The following LYN variants were observed in gnomAD, a reference collection of about 807,000 sequenced individuals.
LYN encodes the protein tyrosine-protein kinase Lyn.
LYN carries 12 observed loss-of-function variants against 65.0 expected under a neutral mutation model. That is an observed-to-expected ratio of 0.18 (90% confidence interval 0.12 to 0.30). The LOEUF is 0.30. Among genes scored for constraint, LYN ranks in the 10% least tolerant of loss-of-function variants. LYN has a pLI of 1.00. For synonymous variants in LYN, 222 were observed against 221.2 expected (o/e 1.00, Z -0.03); for missense variants, 380 against 623.2 (o/e 0.61, Z 4.16).
intron 10 of LYN, among the ~76,000 whole-genome samples, chr8:55,975,476 G>A (rs1432619536): frequency 6.6e-6 from 1 of 152,202 alleles, no homozygotes. Context: ...GACTATCTAT[G>A]TGAATCGTCA....
At chr8:55,911,201 A>ATATATACACG (rs1805618274) in intron 1 of LYN, among the ~76,000 whole-genome samples, 1 of 33,630 alleles carries the variant, frequency 3.0e-5, no homozygotes, top group Non-Finnish European at 5.8e-5. Flanking sequence ...ACACACACAT[A>ATATATACACG]TATATATACA....
intron 1 of LYN, among the ~76,000 whole-genome samples, chr8:55,919,908 C>CG (rs1554577094): frequency 5.6e-5 from 5 of 88,520 alleles, no homozygotes; most frequent in African/African-American, 2.4e-4. Flanking sequence ...AAGGGTTGGG[C>CG]GGGGGGAGTG....
intron 1 of LYN, among the ~76,000 whole-genome samples, chr8:55,927,994 G>A (rs1457816870): frequency 6.6e-6 from 1 of 152,228 alleles, no homozygotes; most frequent in Non-Finnish European, 1.5e-5. Flanking sequence ...CTGCAAGACT[G>A]TCTTCCAGAA....
At chr8:55,902,745 A>G (rs1805307331) in intron 1 of LYN, 2 of 502,782 alleles carry the variant, frequency 4.0e-6, no homozygotes, top group Non-Finnish European at 7.8e-6. Flanking sequence ...TCTCATTGTC[A>G]CCACTGCAAT....
chr8:55,915,648 G>A (rs1302312644), intron 1 of LYN, among the ~76,000 whole-genome samples: 1 of 152,228 alleles, frequency 6.6e-6, no homozygotes, highest in Non-Finnish European at 1.5e-5. Flanking sequence ...GGAGGTTGCA[G>A]TGAGCTGAGA....
intron 9 of LYN, among the ~76,000 whole-genome samples, chr8:55,968,036 A>G (rs1807510838): frequency 6.6e-6 from 1 of 152,202 alleles, no homozygotes; most frequent in South Asian, 2.1e-4. Context: ...ATTTCAAAAT[A>G]TCAGTCACTC....
chr8:55,980,021 T>G (rs753270687), intron 10 of LYN, among the ~76,000 whole-genome samples: 7 of 152,154 alleles, frequency 4.6e-5, no homozygotes, highest in Non-Finnish European at 1.0e-4. Context: ...TCAGAGCCCA[T>G]GTGCACAGGC....
chr8:55,882,898 G>A (rs1025346179), intron 1 of LYN, among the ~76,000 whole-genome samples: 1 of 152,170 alleles, frequency 6.6e-6, no homozygotes, highest in Non-Finnish European at 1.5e-5. Flanking sequence ...GACTTGTAGT[G>A]TGTGCTCAAT....
chr8:55,951,935 T>TAAAC, intron 6 of LYN, 31 bp from the exon 7 acceptor site: 1 of 1,595,258 alleles, frequency 6.3e-7, no homozygotes, highest in Non-Finnish European at 8.5e-7. Context: ...TTGTGAGATA[T>TAAAC]AAACATTTAC....
chr8:55,890,280 C>T (rs1483319918), intron 1 of LYN, among the ~76,000 whole-genome samples: 2 of 152,060 alleles, frequency 1.3e-5, no homozygotes, highest in African/African-American at 2.4e-5. Context: ...CCACCACACT[C>T]CATCCTGGGT....
At chr8:55,995,360 TG>T (rs1194565135) in intron 10 of LYN, among the ~76,000 whole-genome samples, 1 of 152,188 alleles carries the variant, frequency 6.6e-6, no homozygotes, top group African/African-American at 2.4e-5. Flanking sequence ...TTGTGACAGT[TG>T]GGAGAAAGGC....
chr8:55,898,988 C>T (rs963975569), intron 1 of LYN, among the ~76,000 whole-genome samples: 22 of 119,740 alleles, frequency 1.8e-4, no homozygotes, highest in African/African-American at 7.5e-4. Context: ...CTGTGCTGGG[C>T]TAATTTTTTT....
At chr8:55,946,296 A>G (rs1806773098) in intron 2 of LYN, 152 bp from the exon 3 acceptor site, 1 of 669,754 alleles carries the variant, frequency 1.5e-6, no homozygotes, top group Non-Finnish European at 2.7e-6. Context: ...ATGCACCTCT[A>G]CAGGTTTTTC....
chr8:55,947,291 C>T (rs186444541), intron 3 of LYN, among the ~76,000 whole-genome samples: 147 of 152,350 alleles, frequency 9.6e-4, no homozygotes, highest in Middle Eastern at 3.4e-3. Context: ...TTATCCATTC[C>T]TCCATCAATA....
chr8:55,907,653 G>T (rs1362362603), intron 1 of LYN, among the ~76,000 whole-genome samples: 1 of 152,092 alleles, frequency 6.6e-6, no homozygotes, highest in African/African-American at 2.4e-5. Flanking sequence ...GATTGCTTGA[G>T]CCCAGGAGTT....
rs1162508957 is a variant in LYN at position 55,911,098 on chromosome 8, T to TATATATATATATATATACACAC, written c.-5-30756_-5-30755insTATATATATATATATACACACA. ...ATATACATACATATATATATATATA[T>TATATATATATATATATACACAC]ACATACACGTATATATACGTATATA... On this transcript the variant is annotated intron_variant, in intron 1 of 12. Coordinates refer to ENST00000519728, the MANE Select transcript of LYN (RefSeq NM_002350.4). 3.4e-4 allele frequency among the ~76,000 whole-genome samples: 4 copies of TATATATATATATATATACACAC among 11,686 alleles called. 2 individuals carry two copies. The highest frequency in any genetic ancestry group is 6.9e-4 in the African/African-American group (2 of 2,914). The allele number at this position is 11,686 out of a possible 152,430, so 7.7% of individuals were successfully genotyped here.
intron 10 of LYN, among the ~76,000 whole-genome samples, chr8:55,990,239 CAAAAAAAA>C (rs34461698): frequency 1.1e-4 from 5 of 45,402 alleles, no homozygotes; most frequent in Admixed American, 3.0e-4. Context: ...ACTCTGCCTC[CAAAAAAAA>C]AAAAAAAAAA....
rs1198590064 is a variant in LYN at position 56,002,201 on chromosome 8, CA to C, written c.1336+2654del. Among the ~76,000 whole-genome samples, 5 of 152,138 alleles carry C rather than the reference CA, an allele frequency of 3.3e-5. No homozygotes were observed. In the East Asian group the frequency reaches 9.7e-4, roughly 29 times the overall value. ...GGAGGCCCACTTTGTGGGCGGATCA[CA>C]AGGTCAGGAGATCAAGACCATCCTG... On this transcript the variant is annotated intron_variant, in intron 12 of 12. Transcript: ENST00000519728.
chr8:55,978,851 T>A (rs935201952), intron 10 of LYN, among the ~76,000 whole-genome samples: 1 of 152,060 alleles, frequency 6.6e-6, no homozygotes, highest in Non-Finnish European at 1.5e-5. Flanking sequence ...GCCCTTGGCC[T>A]CTCTCCCTCT....
Sources: allele counts gnomAD v4.1 joint callset (sites outside exome capture counted in the v4.1 genomes callset), GRCh38; gene constraint gnomAD v4.1.1; transcripts MANE v1.5; gene names NCBI Gene and HGNC (gene_info 2026-07-23, HGNC 2026-07-21).